Variants in ATP2B2 observed in about 807,000 individuals in gnomAD.
The protein encoded by ATP2B2 is plasma membrane calcium-transporting ATPase 2.
Under a neutral mutation model 120.0 loss-of-function variants are expected in ATP2B2, and 15 were observed. That is an observed-to-expected ratio of 0.12 (90% CI 0.08 to 0.19). The LOEUF is 0.19. Among genes scored for constraint, ATP2B2 ranks in the 10% least tolerant of loss-of-function variants. The pLI is 1.00. For synonymous variants in ATP2B2, 694 were observed against 700.3 expected (o/e 0.99, Z 0.14); for missense variants, 1,045 against 1,719.8 (o/e 0.61, Z 6.94).
intron 1 of ATP2B2, among the ~76,000 whole-genome samples, chr3:10,644,071 T>C (rs2070247999): frequency 6.6e-6 from 1 of 151,978 alleles, no homozygotes; most frequent in Non-Finnish European, 1.5e-5. Flanking sequence ...CTAATACAAC[T>C]CAACAATAAA....
chr3:10,694,331 C>A (rs1052718807), intron 1 of ATP2B2, among the ~76,000 whole-genome samples: 1 of 152,242 alleles, frequency 6.6e-6, no homozygotes, highest in Non-Finnish European at 1.5e-5. Flanking sequence ...CTCTCTCCCC[C>A]ATCCCTAACC....
chr3:10,358,879 G>A lies in ATP2B2; in HGVS notation c.1948C>T (p.Pro650Ser), dbSNP rs1484557674. Residue 650 changes from proline (P) to serine (S), a missense_variant, in exon 14 of 23, where the codon CCC (proline) becomes TCC (serine). Physicochemically the swap from Pro to Ser is moderately conservative, Grantham distance 74. This residue lies in a region of ATP2B2 where 343 missense variants were observed against 536.8 expected (regional missense o/e 0.64). Transcript: ENST00000360273. ...TTTACCATCTCGTCCCGGTCGCGGG[G>A]CCGGAAGACACGAGGCTCTCCCGCC... is the stretch of plus-strand genomic sequence containing the variant. Reference protein sequence around the residue: ...NGAGEPRVFRPRDRDEMVKKV... With the variant: ...NGAGEPRVFRSRDRDEMVKKV... 4 of 1,614,126 alleles carry A rather than the reference G, an allele frequency of 2.5e-6. No individual in the cohort carries two copies. The highest frequency in any genetic ancestry group is 3.4e-6 in the Non-Finnish European group (4 of 1,180,040).
chr3:10,448,470 C>G (rs2063916191), intron 2 of ATP2B2, among the ~76,000 whole-genome samples: 1 of 152,116 alleles, frequency 6.6e-6, no homozygotes, highest in Admixed American at 6.6e-5. Context: ...GGCAGGTAAC[C>G]CAAACCATGA....
chr3:10,345,381 C>T lies in ATP2B2; in HGVS notation c.2703+3G>A. On this transcript the variant is annotated splice_donor_region_variant and intron_variant, in intron 18 of 22. Coordinates refer to ENST00000360273, the MANE Select transcript of ATP2B2 (RefSeq NM_001001331.4). ...GCTTTGGTGTGGTCTCCTGCGGACC[C>T]ACCTGCGTGATGCAGGCGCCTGTGA... is the stretch of plus-strand genomic sequence containing the variant. 4 of 1,614,178 alleles carry T rather than the reference C, an allele frequency of 2.5e-6. No individual in the cohort carries two copies. Among genetic ancestry groups the T allele is most frequent in the Non-Finnish European group, 3.4e-6 (4 of 1,180,012 alleles).
At chr3:10,351,708 G>A (rs1018723464) in intron 14 of ATP2B2, among the ~76,000 whole-genome samples, 3 of 152,170 alleles carry the variant, frequency 2.0e-5, no homozygotes, top group Admixed American at 1.3e-4. Flanking sequence ...TAAAATGAGC[G>A]CATCACGGTA....
Position 10,325,752 on chromosome 3 carries a change from G to C in ATP2B2, c.*3062C>G, listed in dbSNP as rs2059846774. 6.6e-6 allele frequency: 1 copy of C among 152,216 alleles called. No homozygotes were observed. The highest frequency in any genetic ancestry group is 6.5e-5 in the Admixed American group (1 of 15,284). 9.4% of individuals were successfully genotyped at this position (152,216 alleles called of 1,614,324 possible). On this transcript the variant is annotated 3_prime_UTR_variant, in exon 23 of 23. Transcript: ENST00000360273. ...TCTCTCTGCTCACCTCCAAAGATGA[G>C]TGATTCTGCAGCGCCAGGAGTCACT...
intron 11 of ATP2B2, among the ~76,000 whole-genome samples, chr3:10,374,687 A>G (rs1415678171): frequency 1.3e-5 from 2 of 152,222 alleles, no homozygotes; most frequent in Admixed American, 1.3e-4. Flanking sequence ...TCAGACTCGC[A>G]GTGACTGGGC....
At chr3:10,601,910 T>TC (rs971687726) in intron 2 of ATP2B2, among the ~76,000 whole-genome samples, 2 of 152,192 alleles carry the variant, frequency 1.3e-5, no homozygotes, top group Admixed American at 6.5e-5. Flanking sequence ...TGTCTTCATT[T>TC]CCCCCCAGCT....
chr3:10,505,830 T>G (rs2066608145), upstream of ATP2B2, among the ~76,000 whole-genome samples: 1 of 149,932 alleles, frequency 6.7e-6, no homozygotes, highest in South Asian at 2.1e-4. Flanking sequence ...CACCACGCTG[T>G]TGTTTGCGGT....
intron 1 of ATP2B2, among the ~76,000 whole-genome samples, chr3:10,484,473 C>T (rs574920241): frequency 2.0e-5 from 3 of 152,244 alleles, no homozygotes; most frequent in Non-Finnish European, 4.4e-5. Flanking sequence ...CTGCTGGCCG[C>T]GGGGGTCTCT....
At chr3:10,406,145 G>A (rs1390462373) in intron 3 of ATP2B2, among the ~76,000 whole-genome samples, 1 of 152,222 alleles carries the variant, frequency 6.6e-6, no homozygotes, top group African/African-American at 2.4e-5. Flanking sequence ...ATATAGCCAG[G>A]ACTCAAACGA....
intron 2 of ATP2B2, among the ~76,000 whole-genome samples, chr3:10,570,553 A>G (rs1189567424): frequency 3.3e-5 from 5 of 152,228 alleles, no homozygotes; most frequent in Non-Finnish European, 7.3e-5. Flanking sequence ...TGAAATATTT[A>G]TCAAAATATC....
At chr3:10,619,469 C>T (rs529183298) in intron 2 of ATP2B2, among the ~76,000 whole-genome samples, 19 of 152,188 alleles carry the variant, frequency 1.2e-4, no homozygotes, top group Non-Finnish European at 2.5e-4. Context: ...AAGATACTGA[C>T]GTGTAAATAA....
intron 2 of ATP2B2, among the ~76,000 whole-genome samples, chr3:10,608,045 C>T (rs544578171): frequency 6.6e-6 from 1 of 152,358 alleles, no homozygotes; most frequent in South Asian, 2.1e-4. Context: ...CCTGACACTT[C>T]CTTTTCCTTC....
intron 1 of ATP2B2, among the ~76,000 whole-genome samples, chr3:10,646,371 C>T (rs547832566): frequency 6.6e-6 from 1 of 152,306 alleles, no homozygotes; most frequent in East Asian, 1.9e-4. Context: ...CAAACCGTCT[C>T]ATCCTGGAGA....
chr3:10,358,449 T>G (rs374568394), intron 14 of ATP2B2, among the ~76,000 whole-genome samples: 1 of 152,222 alleles, frequency 6.6e-6, no homozygotes, highest in African/African-American at 2.4e-5. Flanking sequence ...ACTGCCCCCA[T>G]GGCAGAGCAA....
rs1419449204 is a variant in ATP2B2, at chr3:10,326,771, G to A, written c.*2043C>T. Reference sequence around the variant, plus strand: ...CCTCCTTCCAGGAGGATTTTGCCAGGTGGGATGGGCTGACTTTGAACCCCA... The same window carrying A: ...CCTCCTTCCAGGAGGATTTTGCCAGATGGGATGGGCTGACTTTGAACCCCA... On this transcript the variant is annotated 3_prime_UTR_variant, in exon 23 of 23. Coordinates refer to ENST00000360273, the MANE Select transcript of ATP2B2 (RefSeq NM_001001331.4). 1 of 398,886 alleles carries A rather than the reference G, an allele frequency of 2.5e-6. No homozygotes were observed. Among genetic ancestry groups the A allele is most frequent in the Non-Finnish European group, 4.4e-6 (1 of 226,082 alleles). 24.7% of individuals were successfully genotyped at this position (398,886 alleles called of 1,614,324 possible).
rs1174998602 is a variant in ATP2B2 at position 10,325,462 on chromosome 3, G to A, written c.*3352C>T. On this transcript the variant is annotated 3_prime_UTR_variant, in exon 23 of 23. Coordinates refer to ENST00000360273, the MANE Select transcript of ATP2B2 (RefSeq NM_001001331.4). ...TGTAAGACATCAGTGTGTGGTAAAG[G>A]TGGCATTTCAGCATGGTTGGGGAAA... 3.3e-5 allele frequency: 5 copies of A among 152,244 alleles called. No homozygotes were observed. Among genetic ancestry groups the A allele is most frequent in the African/African-American group, 1.2e-4 (5 of 41,450 alleles). The allele number at this position is 152,244 out of a possible 1,614,324, so 9.4% of individuals were successfully genotyped here.
Position 10,635,277 on chromosome 3 carries a change from C to T in ATP2B2, c.-459-15316G>A, listed in dbSNP as rs2069990380. ...ATTCCAGTTTAAAACCCATAACATT[C>T]AACATAGTCACGGGATTTGCCTGAA... On this transcript the variant is annotated intron_variant, in intron 1 of 21. Transcript: ENST00000646379. The surrounding 1 kb of genome is among the most constrained non-coding windows in gnomAD (Gnocchi z 4.3). Among the ~76,000 whole-genome samples, 2 of 152,138 alleles carry T rather than the reference C, an allele frequency of 1.3e-5. No homozygotes were observed. The highest frequency in any genetic ancestry group is 4.8e-5 in the African/African-American group (2 of 41,422).
Sources: gnomAD v4.1 joint callset for allele counts (sites outside exome capture counted in the v4.1 genomes callset) on GRCh38, gnomAD v4.1.1 for gene constraint, gnomAD v4.1.1 regional missense constraint, Gnocchi (gnomAD v3.1) non-coding constraint, MANE v1.5 for transcripts, NCBI Gene and HGNC (gene_info 2026-07-23, HGNC 2026-07-21) for gene names.